GML: variants seen among roughly 807,000 people sequenced by gnomAD.
The protein encoded by GML is glycosyl-phosphatidylinositol-anchored molecule-like protein.
GML carries 5 observed loss-of-function variants against 8.2 expected under a neutral mutation model. That is an observed-to-expected ratio of 0.61 (90% CI 0.32 to 1.28). GML has a LOEUF of 1.28. GML is among the 50% of genes most tolerant of loss of function. GML has a pLI of 0.06. For synonymous variants in GML, 72 were observed against 69.0 expected, an observed-to-expected ratio of 1.04 and a Z score of -0.22; for missense variants, 191 against 198.3, an observed-to-expected ratio of 0.96 and a Z score of 0.22.
intron 3 of GML, among the ~76,000 whole-genome samples, chr8:142,843,037 A>G (rs1816456619): frequency 6.6e-6 from 1 of 152,166 alleles, no homozygotes; most frequent in Non-Finnish European, 1.5e-5. Flanking sequence ...GGATATTAGG[A>G]CAAAGAAATT....
intron 1 of GML, among the ~76,000 whole-genome samples, chr8:142,839,176 G>A (rs1259818110): frequency 6.6e-6 from 1 of 152,164 alleles, no homozygotes; most frequent in Non-Finnish European, 1.5e-5. Context: ...GGTCTCAGGG[G>A]AATGGGCATG....
chr8:142,842,467 G>C (rs1175774234), intron 3 of GML, among the ~76,000 whole-genome samples: 2 of 152,182 alleles, frequency 1.3e-5, no homozygotes, highest in African/African-American at 4.8e-5. Context: ...TGGGATTACT[G>C]CCTCTAAATG....
At position 142,840,456 on chromosome 8, in the gene GML, C is replaced by A. The variant is rs1183659158; in HGVS notation, c.19C>A (p.Leu7Ile). 6.2e-7 allele frequency: 1 copy of A among 1,613,676 alleles called. No homozygotes were observed. The highest frequency in any genetic ancestry group is 1.7e-5 in the Admixed American group (1 of 60,018). ...TGAAGTGATGCTCCTCTTTGCCTTACTCCTAGCCATGGAGCTCCCATTGGT... is the reference window on the plus strand; with the variant it reads ...TGAAGTGATGCTCCTCTTTGCCTTAATCCTAGCCATGGAGCTCCCATTGGT... MLLFALLLAMELPLVAA... is the reference protein window; with the variant it reads MLLFALILAMELPLVAA... The change falls in exon 2 of 4, where the codon CTC becomes ATC. Residue 7 changes from leucine (L) to isoleucine (I), a missense_variant. Coordinates refer to ENST00000220940, the MANE Select transcript of GML (RefSeq NM_002066.3).
intron 3 of GML, among the ~76,000 whole-genome samples, chr8:142,845,698 A>AG (rs1211301109): frequency 4.6e-5 from 7 of 152,222 alleles, no homozygotes; most frequent in African/African-American, 1.7e-4. Context: ...TGGTCAGCTG[A>AG]GGCCACTGGA....
At chr8:142,838,962 T>C (rs118008245) in intron 1 of GML, among the ~76,000 whole-genome samples, 1 of 152,302 alleles carries the variant, frequency 6.6e-6, no homozygotes, top group Non-Finnish European at 1.5e-5. Context: ...ACACACTTGA[T>C]GGGAGTTTTC....
chr8:142,840,339 C>T (rs1816409831), intron 1 of GML, 77 bp from the exon 2 acceptor site: 1 of 871,514 alleles, frequency 1.1e-6, no homozygotes. Context: ...ACTCATGAGG[C>T]CGTTGAGGCC....
intron 1 of GML, among the ~76,000 whole-genome samples, chr8:142,837,154 C>T (rs4736302): frequency 0.16 from 24,729 of 151,476 alleles, 2,388 homozygotes; most frequent in East Asian, 0.48. Flanking sequence ...ATTAGCTGGG[C>T]GTAGTGGCGT....
At chr8:142,837,893 A>G (rs2130213804) in intron 1 of GML, among the ~76,000 whole-genome samples, 1 of 147,860 alleles carries the variant, frequency 6.8e-6, no homozygotes, top group East Asian at 2.1e-4. Context: ...CCATGGGAAA[A>G]CTGTCTTGAT....
At chr8:142,836,373 G>A (rs1226738752) in intron 1 of GML, among the ~76,000 whole-genome samples, 5 of 152,190 alleles carry the variant, frequency 3.3e-5, no homozygotes, top group Admixed American at 6.5e-5. Flanking sequence ...GTATGGTGGT[G>A]TAGAAATAAT....
At chr8:142,842,733 G>T (rs141469828) in intron 3 of GML, among the ~76,000 whole-genome samples, 1 of 152,346 alleles carries the variant, frequency 6.6e-6, no homozygotes, top group Non-Finnish European at 1.5e-5. Flanking sequence ...GCCTGCCTAG[G>T]TGATGGGTAC....
intron 3 of GML, among the ~76,000 whole-genome samples, chr8:142,842,902 C>T (rs981689379): frequency 1.3e-5 from 2 of 152,236 alleles, no homozygotes; most frequent in Non-Finnish European, 2.9e-5. Context: ...TTCCTCTGAT[C>T]TTCAGCCTTA....
chr8:142,841,856 C>T (rs559270542), intron 3 of GML, among the ~76,000 whole-genome samples: 158 of 152,298 alleles, frequency 1.0e-3, no homozygotes, highest in African/African-American at 3.6e-3. Flanking sequence ...GGTGGAGCCT[C>T]GTCTGGGGCT....
In GML at chr8:142,840,623, T is replaced by C. The variant is rs556758504; in HGVS notation, c.73+113T>C. ...GAGCAAGCCTCCGTTAGCTGGGGCC[T>C]GCATTGTCTGTGTAATCAGGGGTGG... On this transcript the variant is annotated intron_variant, in intron 2 of 3. Transcript: ENST00000220940. 1.8e-3 allele frequency: 1,323 copies of C among 749,012 alleles called. 30 individuals carry two copies. In the South Asian group the frequency reaches 0.02, roughly 11 times the overall value. 46.4% of individuals were successfully genotyped at this position (749,012 alleles called of 1,614,324 possible).
At chr8:142,837,992 T>C (rs568361093) in intron 1 of GML, among the ~76,000 whole-genome samples, 1 of 148,678 alleles carries the variant, frequency 6.7e-6, no homozygotes, top group Admixed American at 6.7e-5. Context: ...AGTCCCTGTC[T>C]GTAGCCAGCC....
At chr8:142,836,157 T>A (rs1421770626) in intron 1 of GML, among the ~76,000 whole-genome samples, 1 of 152,198 alleles carries the variant, frequency 6.6e-6, no homozygotes, top group Non-Finnish European at 1.5e-5. Flanking sequence ...AACCCTTGAT[T>A]TATAACTGGG....
At chr8:142,842,146 T>C (rs1289917723) in intron 3 of GML, among the ~76,000 whole-genome samples, 1 of 152,122 alleles carries the variant, frequency 6.6e-6, no homozygotes, top group Non-Finnish European at 1.5e-5. Flanking sequence ...TCTGATGGTT[T>C]TATAAGGAGC....
At chr8:142,836,487 T>C (rs1454087832) in intron 1 of GML, among the ~76,000 whole-genome samples, 2 of 152,284 alleles carry the variant, frequency 1.3e-5, no homozygotes, top group Non-Finnish European at 2.9e-5. Flanking sequence ...TTTAATGCTC[T>C]CATTAGAATT....
intron 3 of GML, among the ~76,000 whole-genome samples, chr8:142,842,304 G>A (rs147635735): frequency 2.0e-5 from 3 of 152,236 alleles, no homozygotes; most frequent in South Asian, 2.1e-4. Flanking sequence ...GCCCAGTCTC[G>A]GGCAGTTCTT....
chr8:142,841,050 G>A, intron 2 of GML, 68 bp from the exon 3 acceptor site: 1 of 813,976 alleles, frequency 1.2e-6, no homozygotes, highest in East Asian at 2.4e-5. Context: ...GAAGGGTGGA[G>A]TGAGCTGGTA....
Sources: gnomAD v4.1 joint callset for allele counts (sites outside exome capture counted in the v4.1 genomes callset) on GRCh38, gnomAD v4.1.1 for gene constraint, MANE v1.5 for transcripts, NCBI Gene and HGNC (gene_info 2026-07-23, HGNC 2026-07-21) for gene names.